The following CNTN5 variants were observed in gnomAD, a reference collection of about 807,000 sequenced individuals.
The protein encoded by CNTN5 is contactin 5.
In CNTN5, 77 loss-of-function variants were observed where a neutral mutation model predicts 129.1. The observed-to-expected ratio is 0.60, with a 90% CI of 0.50 to 0.72. The LOEUF is 0.72. Among genes scored for constraint, CNTN5 ranks in the 30% least tolerant of loss-of-function variants. The pLI, the probability that CNTN5 is intolerant of heterozygous loss-of-function variation, is 0.00. For synonymous variants in CNTN5, 509 were observed against 465.6 expected (o/e 1.09, Z -1.20); for missense variants, 1,478 against 1,328.8 (o/e 1.11, Z -1.75).
intron 6 of CNTN5, among the ~76,000 whole-genome samples, chr11:99,853,867 G>A (rs988294407): frequency 6.6e-6 from 1 of 152,022 alleles, no homozygotes; most frequent in East Asian, 1.9e-4. Context: ...GGAAGTCAAG[G>A]TATTTCTTCA....
chr11:100,110,735 C>T (rs1945629400), intron 13 of CNTN5, among the ~76,000 whole-genome samples: 1 of 152,092 alleles, frequency 6.6e-6, no homozygotes, highest in African/African-American at 2.4e-5. Flanking sequence ...AATCTGATTC[C>T]ACCAATTGCA....
intron 1 of CNTN5, among the ~76,000 whole-genome samples, chr11:99,316,187 ATAGT>A (rs34076554): frequency 0.05 from 7,571 of 152,174 alleles, 592 homozygotes; most frequent in African/African-American, 0.17. Flanking sequence ...TTCTGATAAA[ATAGT>A]TAGTTAATTA....
chr11:100,235,516 C>T (rs1397725100), intron 16 of CNTN5, among the ~76,000 whole-genome samples: 3 of 152,112 alleles, frequency 2.0e-5, no homozygotes, highest in Non-Finnish European at 4.4e-5. Flanking sequence ...CCTTTTTAGG[C>T]TCTTCCGTGT....
intron 6 of CNTN5, among the ~76,000 whole-genome samples, chr11:99,853,005 A>T (rs1947922264): frequency 6.6e-6 from 1 of 152,196 alleles, no homozygotes; most frequent in African/African-American, 2.4e-5. Flanking sequence ...AAATATCAGG[A>T]TGACTTATGA....
chr11:100,087,105 A>G (rs913920298), intron 13 of CNTN5, among the ~76,000 whole-genome samples: 1 of 151,776 alleles, frequency 6.6e-6, no homozygotes, highest in Admixed American at 6.6e-5. Flanking sequence ...GAAAATGAAC[A>G]TATCTGTAGT....
chr11:99,712,165 G>A lies in CNTN5; in HGVS notation c.56-107379G>A, dbSNP rs547273046. Among the ~76,000 whole-genome samples the A allele has an allele frequency of 1.9e-4, 29 of 152,030 alleles. No homozygotes were observed. In the Middle Eastern group the frequency reaches 0.01, roughly 53 times the overall value. On this transcript the variant is annotated intron_variant, in intron 3 of 24. Coordinates refer to ENST00000524871, the MANE Select transcript of CNTN5 (RefSeq NM_014361.4). The stretch of plus-strand genomic sequence containing the variant: ...CTGTTGTTTCTTGACTTTAATGATC[G>A]CCATTCTAACTGGTGTAAGATGGTA...
intron 2 of CNTN5, among the ~76,000 whole-genome samples, chr11:99,421,624 C>CT (rs1244996222): frequency 1.3e-5 from 2 of 152,028 alleles, no homozygotes; most frequent in Admixed American, 6.6e-5. Flanking sequence ...CATTTTATGA[C>CT]TTTTTTGCAT....
intron 1 of CNTN5, among the ~76,000 whole-genome samples, chr11:99,046,521 C>T (rs1864214764): frequency 6.6e-6 from 1 of 152,102 alleles, no homozygotes; most frequent in African/African-American, 2.4e-5. Context: ...TTTCATAAAA[C>T]TCCTTTATGA....
chr11:100,003,958 T>C (rs1240166116), intron 9 of CNTN5: 8 of 152,206 alleles, frequency 5.3e-5, no homozygotes, highest in Non-Finnish European at 4.4e-5. Flanking sequence ...GCCACCCTTA[T>C]GAAAATAAAC....
At chr11:99,929,073 C>T (rs970221955) in intron 7 of CNTN5, among the ~76,000 whole-genome samples, 1 of 152,152 alleles carries the variant, frequency 6.6e-6, no homozygotes, top group African/African-American at 2.4e-5. Flanking sequence ...AGGGTGGGGG[C>T]AAAATGCTGC....
At chr11:100,195,464 A>G (rs10894599) in intron 15 of CNTN5, among the ~76,000 whole-genome samples, 65,582 of 151,670 alleles carry the variant, frequency 0.43, 14,930 homozygotes, top group East Asian at 0.8. Flanking sequence ...CATCTGCTGT[A>G]TTCTTCTTTG....
intron 23 of CNTN5, among the ~76,000 whole-genome samples, chr11:100,347,078 G>A (rs1952296856): frequency 6.6e-6 from 1 of 152,044 alleles, no homozygotes; most frequent in Non-Finnish European, 1.5e-5. Flanking sequence ...TGGGCATTGT[G>A]GGAACTACAA....
intron 6 of CNTN5, among the ~76,000 whole-genome samples, chr11:99,912,576 C>A (rs1160823772): frequency 6.6e-6 from 1 of 151,248 alleles, no homozygotes; most frequent in Non-Finnish European, 1.5e-5. Flanking sequence ...TGGCTCAAAT[C>A]TCATATCCCA....
intron 1 of CNTN5, among the ~76,000 whole-genome samples, chr11:99,299,439 C>T (rs1377270296): frequency 1.3e-5 from 2 of 152,022 alleles, no homozygotes; most frequent in Admixed American, 6.6e-5. Context: ...CAGATTTGAA[C>T]TGGCAAAAGG....
intron 4 of CNTN5, 84 bp downstream of exon 4, chr11:99,819,849 C>A (rs1039217450): frequency 4.1e-6 from 2 of 491,060 alleles, no homozygotes; most frequent in South Asian, 4.1e-5. Context: ...GAGATCAAGA[C>A]TATTCCAGTA....
intron 8 of CNTN5, among the ~76,000 whole-genome samples, chr11:99,978,227 A>G (rs924090422): frequency 1.6e-4 from 25 of 152,232 alleles, no homozygotes; most frequent in Non-Finnish European, 1.6e-4. Flanking sequence ...CAGCTGTACA[A>G]TATGTTTGTC....
chr11:99,854,870 T>C (rs1425234224), intron 6 of CNTN5, among the ~76,000 whole-genome samples: 1 of 152,106 alleles, frequency 6.6e-6, no homozygotes, highest in Non-Finnish European at 1.5e-5. Context: ...ATATATGTGT[T>C]TCTCTCACAG....
intron 2 of CNTN5, among the ~76,000 whole-genome samples, chr11:99,553,999 C>CACACACACAT (rs1230780423): frequency 7.3e-5 from 11 of 150,618 alleles, no homozygotes; most frequent in African/African-American, 1.7e-4. Context: ...CACACACATA[C>CACACACACAT]ACACACACAC....
At chr11:99,580,316 CTT>C (rs1407457271) in intron 3 of CNTN5, among the ~76,000 whole-genome samples, 1 of 152,112 alleles carries the variant, frequency 6.6e-6, no homozygotes, top group Non-Finnish European at 1.5e-5. Flanking sequence ...CTCTGCTCGG[CTT>C]TGGTATCAGG....
Sources: allele counts gnomAD v4.1 joint callset (sites outside exome capture counted in the v4.1 genomes callset), GRCh38; gene constraint gnomAD v4.1.1; transcripts MANE v1.5; gene names NCBI Gene and HGNC (gene_info 2026-07-23, HGNC 2026-07-21).